Variants in CFAP100 observed in about 807,000 individuals in gnomAD.
CFAP100 encodes the protein cilia and flagella associated protein 100.
A neutral mutation model predicts 81.5 loss-of-function variants in CFAP100; 70 were observed. The ratio of observed to expected loss-of-function variants is 0.86; its 90% CI spans 0.71 to 1.05. CFAP100 has a LOEUF of 1.05. Ranked by LOEUF, CFAP100 falls within the 50% of genes least tolerant of loss-of-function variation. The pLI is 0.00. For synonymous variants in CFAP100, 341 were observed against 314.8 expected, an observed-to-expected ratio of 1.08 and a Z score of -0.88; for missense variants, 811 against 776.5, an observed-to-expected ratio of 1.04 and a Z score of -0.53.
chr3:126,425,276 G>A (rs759029754), intron 13 of CFAP100, among the ~76,000 whole-genome samples: 5 of 152,118 alleles, frequency 3.3e-5, no homozygotes, highest in Non-Finnish European at 7.3e-5. Context: ...TGTTTCCAGG[G>A]GAGTCACAGC....
rs1334224258 is a variant in CFAP100, at chr3:126,395,975, C to T, written c.-26C>T. On this transcript the variant is annotated 5_prime_UTR_variant, in exon 2 of 17. Transcript: ENST00000352312. ...CTCCTTTAGAAGAGGAGAAGCCTTG[C>T]ATCAACCTCTTGGGCCTCAGCCAAG... 6.2e-7 allele frequency: 1 copy of T among 1,602,324 alleles called. No homozygotes were observed. Among genetic ancestry groups the T allele is most frequent in the Non-Finnish European group, 8.6e-7 (1 of 1,169,444 alleles).
intron 2 of CFAP100, among the ~76,000 whole-genome samples, chr3:126,405,180 G>C (rs1406400570): frequency 2.6e-5 from 4 of 151,984 alleles, no homozygotes; most frequent in Admixed American, 2.0e-4. Context: ...GTTCTACTTA[G>C]TCTCTGAATG....
In CFAP100 at chr3:126,433,487, G is replaced by T. The variant is rs56124025; in HGVS notation, c.1422+283G>T. 0.025 allele frequency: 9,504 copies of T among 376,160 alleles called. 163 individuals carry two copies. The highest frequency in any genetic ancestry group is 0.04 in the Middle Eastern group (54 of 1,364). The allele number at this position is 376,160 out of a possible 1,614,324, so 23.3% of individuals were successfully genotyped here. A position where few individuals can be genotyped will look rare whatever the true frequency, so the allele number is the denominator to read the frequency against. Reference sequence around the variant, plus strand: ...TGTGTCTGGCAAGGTGATCCTGAAGGGGGGGAAGAGGCGTGTCCTCAAGCC... The same window carrying T: ...TGTGTCTGGCAAGGTGATCCTGAAGTGGGGGAAGAGGCGTGTCCTCAAGCC... On this transcript the variant is annotated intron_variant, in intron 14 of 16. Coordinates refer to ENST00000352312, the MANE Select transcript of CFAP100 (RefSeq NM_182628.3).
chr3:126,407,313 C>A, intron 3 of CFAP100, 61 bp downstream of exon 3: 1 of 1,052,916 alleles, frequency 9.5e-7, no homozygotes, highest in Non-Finnish European at 1.5e-6. Flanking sequence ...TCTCCCTCTG[C>A]CCCCAGATCC....
chr3:126,429,105 T>TA, intron 13 of CFAP100, among the ~76,000 whole-genome samples: 1 of 64,314 alleles, frequency 1.6e-5, no homozygotes. Flanking sequence ...TGCGTCTCCA[T>TA]CCAAAAAAAA....
At chr3:126,416,227 C>CCGCGTCCCCGGCCTCAGCTCCG in intron 4 of CFAP100, 89 bp from the exon 5 acceptor site, 1 of 1,096,176 alleles carries the variant, frequency 9.1e-7, no homozygotes. Context: ...GCGCGCAAAC[C>CCGCGTCCCCGGCCTCAGCTCCG]CGCGTCCCTA....
chr3:126,423,687 C>T, intron 13 of CFAP100, 43 bp downstream of exon 13: 1 of 1,610,678 alleles, frequency 6.2e-7, no homozygotes, highest in Non-Finnish European at 8.5e-7. Context: ...CTGCCGCTCT[C>T]ATCCTGGGAT....
intron 11 of CFAP100, among the ~76,000 whole-genome samples, chr3:126,422,942 G>A (rs544488288): frequency 1.3e-5 from 2 of 152,178 alleles, no homozygotes; most frequent in Non-Finnish European, 2.9e-5. Context: ...GGGAAGGGGA[G>A]GCAAGGTGAG....
chr3:126,416,535 C>T (rs1257054955), intron 5 of CFAP100, 27 bp downstream of exon 5: 1 of 1,519,466 alleles, frequency 6.6e-7, no homozygotes, highest in South Asian at 1.2e-5. Flanking sequence ...GCGGGGGGAC[C>T]TGGGCCAGTG....
chr3:126,416,228 C>CGCGTCCCCGGCCTCAGGTCCGA, intron 4 of CFAP100, 88 bp from the exon 5 acceptor site: 1 of 1,156,772 alleles, frequency 8.6e-7, no homozygotes, highest in Non-Finnish European at 1.2e-6. Context: ...CGCGCAAACC[C>CGCGTCCCCGGCCTCAGGTCCGA]GCGTCCCTAG....
intron 2 of CFAP100, among the ~76,000 whole-genome samples, chr3:126,403,051 T>C (rs2083009527): frequency 6.6e-6 from 1 of 151,898 alleles, no homozygotes; most frequent in Non-Finnish European, 1.5e-5. Context: ...TTTGCTGAGA[T>C]GGCCAAGGCC....
intron 3 of CFAP100, among the ~76,000 whole-genome samples, chr3:126,407,751 TAA>T (rs1348061411): frequency 6.6e-6 from 1 of 152,224 alleles, no homozygotes; most frequent in Non-Finnish European, 1.5e-5. Context: ...TTCCAGCAGC[TAA>T]ATTTGCCATA....
chr3:126,433,949 G>A (rs1933343108), intron 14 of CFAP100: 1 of 535,070 alleles, frequency 1.9e-6, no homozygotes, highest in African/African-American at 1.9e-5. Context: ...CTGGGAGAGG[G>A]GCTGGAACCA....
At chr3:126,433,253 T>G in intron 14 of CFAP100, 49 bp downstream of exon 14, 2 of 1,603,954 alleles carry the variant, frequency 1.2e-6, no homozygotes, top group African/African-American at 2.7e-5. Context: ...GGAGGGACCC[T>G]TGGGCACCCA....
intron 2 of CFAP100, among the ~76,000 whole-genome samples, chr3:126,401,943 C>T (rs1000427921): frequency 6.6e-6 from 1 of 152,218 alleles, no homozygotes; most frequent in Non-Finnish European, 1.5e-5. Context: ...CACCACACTC[C>T]CCTTGGGGCT....
At chr3:126,397,785 C>T (rs977762512) in intron 2 of CFAP100, among the ~76,000 whole-genome samples, 13 of 152,208 alleles carry the variant, frequency 8.5e-5, no homozygotes, top group Non-Finnish European at 1.5e-4. Flanking sequence ...GCTGCAGGAG[C>T]TGGGACAAAG....
chr3:126,418,504 G>A lies in CFAP100; in HGVS notation c.465G>A (p.Lys155=). 2 of 1,614,158 alleles carry A rather than the reference G, an allele frequency of 1.2e-6. No homozygotes were observed. The highest frequency in any genetic ancestry group is 8.5e-7 in the Non-Finnish European group (1 of 1,180,036). The change falls in exon 6 of 17, where the codon AAG becomes AAA. Residue 155 remains lysine, a synonymous_variant. Coordinates refer to ENST00000352312, the MANE Select transcript of CFAP100 (RefSeq NM_182628.3). ...PENMSGYIKQ[K]RQMFLLQYAL... is the part of the protein sequence containing the mutation. Reference sequence around the variant, plus strand: ...ACATGAGTGGCTACATTAAGCAGAAGCGGCAAATGTTCCTCCTCCAGGTAG... The same window carrying A: ...ACATGAGTGGCTACATTAAGCAGAAACGGCAAATGTTCCTCCTCCAGGTAG...
At chr3:126,432,068 CAGG>C (rs1273795971) in intron 13 of CFAP100, among the ~76,000 whole-genome samples, 2 of 152,168 alleles carry the variant, frequency 1.3e-5, no homozygotes, top group East Asian at 3.9e-4. Flanking sequence ...ATCACAAGGT[CAGG>C]AGATCGAGAC....
chr3:126,435,759 C>T (rs1576652666), intron 16 of CFAP100, 107 bp downstream of exon 16: 1 of 837,538 alleles, frequency 1.2e-6, no homozygotes, highest in Non-Finnish European at 1.9e-6. Flanking sequence ...TGAAGGCATT[C>T]AATGAGGCTC....
Sources: allele counts gnomAD v4.1 joint callset (sites outside exome capture counted in the v4.1 genomes callset), GRCh38; gene constraint gnomAD v4.1.1; transcripts MANE v1.5; gene names NCBI Gene and HGNC (gene_info 2026-07-23, HGNC 2026-07-21).